The following DSE variants were observed in gnomAD, a reference collection of about 807,000 sequenced individuals.
DSE encodes dermatan-sulfate epimerase.
A neutral mutation model predicts 84.4 loss-of-function variants in DSE; 36 were observed. That is an observed-to-expected ratio of 0.43 (90% CI 0.33 to 0.56). The LOEUF (loss-of-function observed/expected upper bound fraction) is 0.56. DSE is among the 20% of genes least tolerant of loss of function. DSE has a pLI of 0.06. For synonymous variants in DSE, 410 were observed against 430.1 expected, an observed-to-expected ratio of 0.95 and a Z score of 0.58; for missense variants, 862 against 1,169.6, an observed-to-expected ratio of 0.74 and a Z score of 3.84.
chr6:116,370,013 AG>A, upstream of DSE: 1 of 1,194,646 alleles, frequency 8.4e-7, no homozygotes, highest in South Asian at 1.3e-5. Flanking sequence ...GAAGGGGCAA[AG>A]TATTCCTGAG....
intron 2 of DSE, among the ~76,000 whole-genome samples, chr6:116,417,186 A>C (rs1782769685): frequency 6.6e-6 from 1 of 152,172 alleles, no homozygotes; most frequent in South Asian, 2.1e-4. Flanking sequence ...TGTAGGTTGA[A>C]TATTAGGGCA....
intron 2 of DSE, among the ~76,000 whole-genome samples, chr6:116,404,133 C>G (rs1781771073): frequency 6.6e-6 from 1 of 152,126 alleles, no homozygotes; most frequent in Non-Finnish European, 1.5e-5. Context: ...TAGCCAAGCT[C>G]TTGGTAGATG....
chr6:116,419,954 T>C (rs1410458945), intron 2 of DSE, among the ~76,000 whole-genome samples: 3 of 152,188 alleles, frequency 2.0e-5, no homozygotes, highest in South Asian at 4.1e-4. Flanking sequence ...AAATACACTT[T>C]AAAAAATATG....
At chr6:116,415,788 A>G (rs966121395) in intron 2 of DSE, among the ~76,000 whole-genome samples, 1 of 152,168 alleles carries the variant, frequency 6.6e-6, no homozygotes, top group Non-Finnish European at 1.5e-5. Context: ...CCCAAGCTGC[A>G]TTAATGAGTT....
intron 2 of DSE, among the ~76,000 whole-genome samples, chr6:116,269,082 G>C (rs1772762876): frequency 6.7e-6 from 1 of 150,006 alleles, no homozygotes; most frequent in African/African-American, 2.5e-5. Context: ...AGAGAAACCA[G>C]AGACAAAGGC....
intron 2 of DSE, among the ~76,000 whole-genome samples, chr6:116,294,265 C>G (rs1303338821): frequency 6.6e-6 from 1 of 152,140 alleles, no homozygotes; most frequent in Admixed American, 6.6e-5. Flanking sequence ...TCAAGGGATC[C>G]TTTTGGTTCA....
chr6:116,323,561 G>GA (rs1295848292), intron 2 of DSE, among the ~76,000 whole-genome samples: 1 of 152,112 alleles, frequency 6.6e-6, no homozygotes, highest in Non-Finnish European at 1.5e-5. Flanking sequence ...GTGTGTCCAG[G>GA]AAAAACCTTT....
At chr6:116,279,199 TCCAATCTATCCTCCTCCG>T in intron 2 of DSE, 1 of 1,610,672 alleles carries the variant, frequency 6.2e-7, no homozygotes, top group Non-Finnish European at 8.5e-7. Context: ...CGCCTCCTCC[TCCAATCTATCCTCCTCCG>T]CCACTTCTAT....
intron 2 of DSE, among the ~76,000 whole-genome samples, chr6:116,411,881 C>A (rs1782392721): frequency 6.6e-6 from 1 of 152,170 alleles, no homozygotes. Flanking sequence ...CATTTGGGGT[C>A]AACTTTTATT....
chr6:116,304,260 A>G (rs1346053172), intron 2 of DSE, among the ~76,000 whole-genome samples: 1 of 152,360 alleles, frequency 6.6e-6, no homozygotes, highest in East Asian at 1.9e-4. Flanking sequence ...TTTCATGAGC[A>G]AAATATTCAT....
At chr6:116,338,551 T>G (rs1274200314) in intron 2 of DSE, among the ~76,000 whole-genome samples, 5 of 152,018 alleles carry the variant, frequency 3.3e-5, no homozygotes, top group African/African-American at 1.2e-4. Flanking sequence ...CAGTGAAATT[T>G]TTTAAATGTG....
At chr6:116,372,071 G>C (rs1458933588) in intron 1 of DSE, among the ~76,000 whole-genome samples, 1 of 152,182 alleles carries the variant, frequency 6.6e-6, no homozygotes, top group Non-Finnish European at 1.5e-5. Flanking sequence ...AGAAAGTCAT[G>C]GTTTAGCACT....
chr6:116,313,071 T>C (rs916288334), intron 2 of DSE, among the ~76,000 whole-genome samples: 3 of 152,176 alleles, frequency 2.0e-5, no homozygotes, highest in African/African-American at 7.2e-5. Flanking sequence ...TCTAATCCAA[T>C]ATGACTGGTA....
At chr6:116,416,420 T>C (rs78823589) in intron 2 of DSE, among the ~76,000 whole-genome samples, 1,679 of 149,534 alleles carry the variant, frequency 0.011, 44 homozygotes, top group African/African-American at 0.038. Context: ...CACTATAAGG[T>C]TGATAGTTTG....
chr6:116,259,163 G>T, intron 2 of DSE: 2 of 893,022 alleles, frequency 2.2e-6, no homozygotes, highest in Non-Finnish European at 3.6e-6. Context: ...TAGACCATGC[G>T]CCACCCTGGC....
intron 2 of DSE, chr6:116,279,263 T>C: frequency 6.2e-7 from 1 of 1,606,326 alleles, no homozygotes; most frequent in Non-Finnish European, 8.5e-7. Flanking sequence ...TCTACCTCCA[T>C]CTGCTCCTCC....
At chr6:116,433,208 G>T (rs1157143853) in intron 4 of DSE, 135 bp from the exon 5 acceptor site, 4 of 831,724 alleles carry the variant, frequency 4.8e-6, no homozygotes, top group Non-Finnish European at 5.5e-6. Context: ...TGTGAGGATT[G>T]TGATTTTTCT....
At chr6:116,396,931 T>C (rs976792273) in intron 1 of DSE, among the ~76,000 whole-genome samples, 5 of 152,190 alleles carry the variant, frequency 3.3e-5, no homozygotes, top group African/African-American at 1.2e-4. Context: ...GGAAAAATTC[T>C]AGTTTCCATG....
chr6:116,278,961 G>A (rs763620082), intron 2 of DSE: 4 of 1,613,884 alleles, frequency 2.5e-6, no homozygotes, highest in South Asian at 2.2e-5. Context: ...TAATCATGGC[G>A]GACAACTGGG....
Sources: gnomAD v4.1 joint callset for allele counts (sites outside exome capture counted in the v4.1 genomes callset) on GRCh38, gnomAD v4.1.1 for gene constraint, MANE v1.5 for transcripts, NCBI Gene and HGNC (gene_info 2026-07-23, HGNC 2026-07-21) for gene names.